The following FAM76B variants were observed in gnomAD, a reference collection of about 807,000 sequenced individuals.
The protein encoded by FAM76B is protein FAM76B.
FAM76B carries 16 observed loss-of-function variants against 51.8 expected under a neutral mutation model. That is an observed-to-expected ratio of 0.31 (90% CI 0.21 to 0.47). The LOEUF is 0.47. Ranked by LOEUF, FAM76B falls within the 20% of genes least tolerant of loss-of-function variation. FAM76B has a pLI of 1.00. For missense variants in FAM76B, 342 were observed against 392.6 expected, an observed-to-expected ratio of 0.87 and a Z score of 1.09; for synonymous variants, 166 against 129.5, an observed-to-expected ratio of 1.28 and a Z score of -1.91.
rs1162148334 is a variant in FAM76B, at chr11:95,783,277, T to A, written c.364-13A>T. ...ACTTTCCATCAACCTTTTAAGAAAA[T>A]GTGTTAAATTAAATGTACCCATATA... On this transcript the variant is annotated splice_polypyrimidine_tract_variant and intron_variant, in intron 4 of 9. Transcript: ENST00000358780. 3 of 1,608,566 alleles carry A rather than the reference T, an allele frequency of 1.9e-6. No individual in the cohort carries two copies.
At chr11:95,783,895 C>G (rs1430807835) in intron 4 of FAM76B, among the ~76,000 whole-genome samples, 1 of 152,174 alleles carries the variant, frequency 6.6e-6, no homozygotes. Context: ...TTTCACCTCT[C>G]AGACAAGTAT....
Position 95,771,567 on chromosome 11 carries a change from A to C in FAM76B, c.1014T>G (p.Ser338=), listed in dbSNP as rs1253049324. 38 of 1,603,784 alleles carry C rather than the reference A, an allele frequency of 2.4e-5. No individual in the cohort carries two copies. The highest frequency in any genetic ancestry group is 3.2e-5 in the Non-Finnish European group (38 of 1,172,802). The change falls in exon 10 of 10, where the codon TCT becomes TCG. Residue 338 remains serine (S), a synonymous_variant. Transcript: ENST00000358780. ...KFDKSGSILT[S]P ...TGCTAAACAAATGACTTTCTCAAGG[A>C]GATGTTAGTATGCTTCCACTTTTGT... is the stretch of plus-strand genomic sequence containing the variant.
At chr11:95,781,745 T>G (rs918131963) in intron 5 of FAM76B, among the ~76,000 whole-genome samples, 3 of 152,148 alleles carry the variant, frequency 2.0e-5, no homozygotes, top group African/African-American at 7.2e-5. Flanking sequence ...AATACTCTGA[T>G]ATAAAGATCA....
Position 95,770,461 on chromosome 11 carries a change from T to C in FAM76B, c.*1100A>G, listed in dbSNP as rs969236597. On this transcript the variant is annotated 3_prime_UTR_variant, in exon 10 of 10. Transcript: ENST00000358780. Reference sequence around the variant, plus strand: ...GATAACCACACATAGGGAAAGCAGATACATGGATCATTGCAGAAACATTAA... The same window carrying C: ...GATAACCACACATAGGGAAAGCAGACACATGGATCATTGCAGAAACATTAA... 6.6e-6 allele frequency: 1 copy of C among 151,778 alleles called. No homozygotes were observed. The highest frequency in any genetic ancestry group is 1.5e-5 in the Non-Finnish European group (1 of 67,468). 9.4% of individuals were successfully genotyped at this position (151,778 alleles called of 1,614,324 possible). A position where few individuals can be genotyped will look rare whatever the true frequency, so the allele number is the denominator to read the frequency against.
chr11:95,775,927 G>T lies in FAM76B; in HGVS notation c.925C>A (p.Leu309Ile). The T allele has an allele frequency of 6.4e-7, 1 of 1,571,122 alleles. No homozygotes were observed. The highest frequency in any genetic ancestry group is 8.6e-7 in the Non-Finnish European group (1 of 1,159,590). The change falls in exon 9 of 10, where the codon CTT becomes ATT. Residue 309 changes from leucine (L) to isoleucine (I), a missense_variant. Coordinates refer to ENST00000358780, the MANE Select transcript of FAM76B (RefSeq NM_144664.5). ...ACGTAAATGATGGTAGTTACCTGAA[G>T]TTGTTCCACAGTTTCTTTGTGGGCT... ...EKAHKETVEQLQAKNRELLKQ... is the reference protein window; with the variant it reads ...EKAHKETVEQIQAKNRELLKQ...
In FAM76B at chr11:95,783,103, A is replaced by T. The variant is rs746528976; in HGVS notation, c.525T>A (p.His175Gln). The change falls in exon 5 of 10, where the codon CAT (histidine) becomes CAA (glutamine). Residue 175 changes from histidine (H) to glutamine (Q), a missense_variant. Coordinates refer to ENST00000358780, the MANE Select transcript of FAM76B (RefSeq NM_144664.5). ...TGCTGTGACGATGGTGATGGTGATGATGGTGGTGATGATGTTTTGGATGAT... is the reference window on the plus strand; with the variant it reads ...TGCTGTGACGATGGTGATGGTGATGTTGGTGGTGATGATGTTTTGGATGAT... ...DQHHPKHHHH[H>Q]HHHHHRHSSS... 3 of 1,613,238 alleles carry T rather than the reference A, an allele frequency of 1.9e-6. No homozygotes were observed. The highest frequency in any genetic ancestry group is 2.7e-5 in the African/African-American group (2 of 75,048).
intron 9 of FAM76B, among the ~76,000 whole-genome samples, chr11:95,772,056 G>A (rs1331854326): frequency 6.6e-6 from 1 of 151,080 alleles, no homozygotes; most frequent in East Asian, 1.9e-4. Context: ...ATCAAGATTT[G>A]GGAGGAGTAT....
At position 95,769,371 on chromosome 11, in the gene FAM76B, G is replaced by T. The variant is rs1187259550; in HGVS notation, c.*2190C>A. Reference sequence around the variant, plus strand: ...AAAATAAGGTCATGGAATAAAGAAGGGTATTTAATTAGGACTAAATACTGT... The same window carrying T: ...AAAATAAGGTCATGGAATAAAGAAGTGTATTTAATTAGGACTAAATACTGT... On this transcript the variant is annotated 3_prime_UTR_variant, in exon 10 of 10. Coordinates refer to ENST00000358780, the MANE Select transcript of FAM76B (RefSeq NM_144664.5). 6.6e-6 allele frequency: 1 copy of T among 152,044 alleles called. No individual in the cohort carries two copies. Among genetic ancestry groups the T allele is most frequent in the African/African-American group, 2.4e-5 (1 of 41,338 alleles). The allele number at this position is 152,044 out of a possible 1,614,324, so 9.4% of individuals were successfully genotyped here.
chr11:95,775,783 G>A (rs1387668436), intron 9 of FAM76B, 139 bp downstream of exon 9: 1 of 458,320 alleles, frequency 2.2e-6, no homozygotes, highest in Non-Finnish European at 3.8e-6. Context: ...GATTAAAAAT[G>A]ATTATAAAGT....
chr11:95,779,533 A>T, intron 7 of FAM76B, 74 bp downstream of exon 7: 1 of 1,208,212 alleles, frequency 8.3e-7, no homozygotes, highest in Non-Finnish European at 1.2e-6. Flanking sequence ...TTTTTTATCT[A>T]GTAATAACTG....
rs751644465 is a variant in FAM76B, at chr11:95,778,902, TTA to T, written c.746_747del (p.Ile249LysfsTer11). 1.2e-6 allele frequency: 2 copies of T among 1,610,964 alleles called. No individual in the cohort carries two copies. Among genetic ancestry groups the T allele is most frequent in the Non-Finnish European group, 8.5e-7 (1 of 1,178,054 alleles). ...DSGGTDNFVL[I>X]SQLKEEVMSL... Reference sequence around the variant, plus strand: ...GACATCACTTCTTCTTTCAATTGACTTATAAGGACAAAATTGTCTGTTCCCCC... The same window carrying T: ...GACATCACTTCTTCTTTCAATTGACTTAAGGACAAAATTGTCTGTTCCCCC... On this transcript the variant is annotated frameshift_variant, in exon 8 of 10. Transcript: ENST00000358780. LOFTEE classifies it high-confidence loss of function.
intron 2 of FAM76B, 116 bp from the exon 3 acceptor site, chr11:95,787,794 G>T: frequency 1.2e-6 from 1 of 809,992 alleles, no homozygotes; most frequent in Non-Finnish European, 1.9e-6. Context: ...TAAGGACCAC[G>T]GATTTTTTTC....
chr11:95,776,355 A>C (rs1193177289), intron 8 of FAM76B, among the ~76,000 whole-genome samples: 1 of 151,520 alleles, frequency 6.6e-6, no homozygotes, highest in African/African-American at 2.4e-5. Context: ...AAAATGCCTC[A>C]TTTAAAAATG....
chr11:95,785,513 T>C (rs575763334), intron 4 of FAM76B, among the ~76,000 whole-genome samples: 15 of 152,338 alleles, frequency 9.8e-5, no homozygotes, highest in African/African-American at 2.6e-4. Flanking sequence ...GTACCAGACA[T>C]GCTGGAGGGA....
Position 95,771,108 on chromosome 11 carries a change from C to T in FAM76B, c.*453G>A, listed in dbSNP as rs1338521245. Reference sequence around the variant, plus strand: ...TTGATGCAAAGTAAAAACACAATTCCCAAAAAACCAGTGTTCGCCATTTTT... The same window carrying T: ...TTGATGCAAAGTAAAAACACAATTCTCAAAAAACCAGTGTTCGCCATTTTT... On this transcript the variant is annotated 3_prime_UTR_variant, in exon 10 of 10. Coordinates refer to ENST00000358780, the MANE Select transcript of FAM76B (RefSeq NM_144664.5). 6.6e-6 allele frequency: 1 copy of T among 151,574 alleles called. No individual in the cohort carries two copies. Among genetic ancestry groups the T allele is most frequent in the African/African-American group, 2.4e-5 (1 of 41,304 alleles). 9.4% of individuals were successfully genotyped at this position (151,574 alleles called of 1,614,324 possible).
intron 4 of FAM76B, among the ~76,000 whole-genome samples, chr11:95,785,140 G>T (rs1359755147): frequency 1.3e-5 from 2 of 152,134 alleles, no homozygotes; most frequent in South Asian, 4.1e-4. Flanking sequence ...TGTAACTAGG[G>T]TATGCTAATA....
chr11:95,772,975 G>A (rs1297451976), intron 9 of FAM76B, among the ~76,000 whole-genome samples: 2 of 150,976 alleles, frequency 1.3e-5, no homozygotes, highest in East Asian at 1.9e-4. Flanking sequence ...AGGTGGTAAC[G>A]AAAAACTTCA....
intron 5 of FAM76B, among the ~76,000 whole-genome samples, chr11:95,781,858 C>G (rs1860289275): frequency 6.6e-6 from 1 of 152,064 alleles, no homozygotes; most frequent in South Asian, 2.1e-4. Flanking sequence ...CATCACTAAC[C>G]TCAACGTAAC....
chr11:95,775,610 T>A (rs1234217008), intron 9 of FAM76B, among the ~76,000 whole-genome samples: 1 of 151,124 alleles, frequency 6.6e-6, no homozygotes, highest in Non-Finnish European at 1.5e-5. Flanking sequence ...GTTTCATTAA[T>A]CTGATTTTTA....
Sources: allele counts gnomAD v4.1 joint callset (sites outside exome capture counted in the v4.1 genomes callset), GRCh38; gene constraint gnomAD v4.1.1; transcripts MANE v1.5; gene names NCBI Gene and HGNC (gene_info 2026-07-23, HGNC 2026-07-21).